Variants in SLC41A3 observed in about 807,000 individuals in gnomAD.
SLC41A3 encodes SLC41A1-like 2.
A neutral mutation model predicts 45.4 loss-of-function variants in SLC41A3; 44 were observed. The observed-to-expected ratio is 0.97, with a 90% confidence interval of 0.76 to 1.25. SLC41A3 has a LOEUF of 1.25. Ranked by LOEUF, SLC41A3 falls within the 50% of genes most tolerant of loss-of-function variation. SLC41A3 has a pLI of 0.00. For missense variants in SLC41A3, 550 were observed against 600.6 expected (o/e 0.92, Z 0.88); for synonymous variants, 256 against 252.4 (o/e 1.01, Z -0.13).
At chr3:126,059,310 G>GAAAGAGAGAGAGAGAAA in intron 2 of SLC41A3, among the ~76,000 whole-genome samples, 1 of 88,200 alleles carries the variant, frequency 1.1e-5, no homozygotes, top group African/African-American at 4.4e-5. Context: ...AAGAAAGAAA[G>GAAAGAGAGAGAGAGAAA]GAAGGATGAT....
At chr3:126,050,726 G>A (rs549062652) in intron 3 of SLC41A3, among the ~76,000 whole-genome samples, 24 of 152,182 alleles carry the variant, frequency 1.6e-4, no homozygotes, top group Non-Finnish European at 3.4e-4. Context: ...GGGGCAAACA[G>A]GGTTGTGCAC....
At chr3:126,086,408 G>GGTTTTTTTTGTTTTTT (rs776330275), upstream of SLC41A3, among the ~76,000 whole-genome samples, 1 of 21,184 alleles carries the variant, frequency 4.7e-5, no homozygotes, top group African/African-American at 1.3e-4. Context: ...TTGTTTTCTT[G>GGTTTTTTTTGTTTTTT]TTTTTTTTTT....
intron 3 of SLC41A3, among the ~76,000 whole-genome samples, chr3:126,044,472 T>C (rs2107835535): frequency 6.6e-6 from 1 of 151,924 alleles, no homozygotes; most frequent in East Asian, 1.9e-4. Flanking sequence ...TAAAAGAAAA[T>C]ATACAAAACA....
chr3:126,063,997 T>A (rs1302570087), intron 2 of SLC41A3, among the ~76,000 whole-genome samples: 6 of 128,358 alleles, frequency 4.7e-5, no homozygotes, highest in Non-Finnish European at 9.8e-5. Context: ...ACCAAATCCC[T>A]CTGTTGCCCT....
intron 3 of SLC41A3, among the ~76,000 whole-genome samples, chr3:126,037,413 C>A (rs991240905): frequency 6.6e-6 from 1 of 152,106 alleles, no homozygotes; most frequent in Non-Finnish European, 1.5e-5. Flanking sequence ...GAGATATGGA[C>A]AGAGAAGGCC....
chr3:126,086,408 G>GGTTTTTTTTTTTTTTTTTTTTT (rs776330275), upstream of SLC41A3, among the ~76,000 whole-genome samples: 2 of 21,184 alleles, frequency 9.4e-5, 1 homozygote. Context: ...TTGTTTTCTT[G>GGTTTTTTTTTTTTTTTTTTTTT]TTTTTTTTTT....
rs1482687712 is a variant in SLC41A3 at position 126,026,326 on chromosome 3, A to G, written c.598+9T>C. 7 of 1,557,122 alleles carry G rather than the reference A, an allele frequency of 4.5e-6. No individual in the cohort carries two copies. Among genetic ancestry groups the G allele is most frequent in the Non-Finnish European group, 6.1e-6 (7 of 1,149,664 alleles). Reference sequence around the variant, plus strand: ...GCGGGTGGGGGCTCACAGCTGGGGCATGGCTCACCCAGGGCAAAGGCTGCA... The same window carrying G: ...GCGGGTGGGGGCTCACAGCTGGGGCGTGGCTCACCCAGGGCAAAGGCTGCA... On this transcript the variant is annotated intron_variant, in intron 5 of 10. Transcript: ENST00000360370. This position sits in a 1 kb window ranked among gnomAD's most constrained non-coding sequence, Gnocchi z 4.2.
chr3:126,007,078 A>T lies in SLC41A3; in HGVS notation c.1402T>A (p.Trp468Arg). ...AGCTCTGCCTTGCTCTTCAGTAGCC[A>T]GTCAGTGAAAAAGCAGAGTGCCAGG... is the stretch of plus-strand genomic sequence containing the variant. Reference protein sequence around the residue: ...GLLALCFFTDWLLKSKAELGG... With the variant: ...GLLALCFFTDRLLKSKAELGG... Residue 468 changes from tryptophan (W) to arginine (R), a missense_variant, in exon 11 of 11, where the codon TGG (tryptophan) becomes AGG (arginine). Trp to Arg is a moderately radical substitution (Grantham distance 101). Transcript: ENST00000360370. 6.2e-7 allele frequency: 1 copy of T among 1,614,212 alleles called. No homozygotes were observed. Among genetic ancestry groups the T allele is most frequent in the Non-Finnish European group, 8.5e-7 (1 of 1,180,036 alleles).
intron 1 of SLC41A3, among the ~76,000 whole-genome samples, chr3:126,089,796 A>G (rs1309519262): frequency 1.3e-5 from 2 of 152,194 alleles, no homozygotes; most frequent in African/African-American, 4.8e-5. Context: ...GAGTTCCATA[A>G]TAAAATAAAA....
intron 2 of SLC41A3, among the ~76,000 whole-genome samples, chr3:126,059,257 A>AAGAAAGAAAGAAAGAGAG (rs1177997318): frequency 4.9e-4 from 3 of 6,176 alleles, no homozygotes; most frequent in South Asian, 8.6e-3. Flanking sequence ...GAAAGAAAGA[A>AAGAAAGAAAGAAAGAGAG]AGAAAGAAGA....
chr3:126,049,342 C>T (rs1209441510), intron 3 of SLC41A3, among the ~76,000 whole-genome samples: 1 of 152,080 alleles, frequency 6.6e-6, no homozygotes, highest in Non-Finnish European at 1.5e-5. Flanking sequence ...CAAAAATTGG[C>T]CGGGTGTGAT....
intron 1 of SLC41A3, among the ~76,000 whole-genome samples, chr3:126,100,172 T>G (rs1430165811): frequency 6.7e-6 from 1 of 150,254 alleles, no homozygotes; most frequent in Non-Finnish European, 1.5e-5. Context: ...AAGACAGGTC[T>G]CCACTCTGCC....
At chr3:126,090,233 T>C (rs1945465613) in intron 1 of SLC41A3, among the ~76,000 whole-genome samples, 2 of 152,092 alleles carry the variant, frequency 1.3e-5, no homozygotes, top group African/African-American at 4.8e-5. Context: ...ATAGTATATT[T>C]TTAGGTAAAG....
intron 3 of SLC41A3, among the ~76,000 whole-genome samples, chr3:126,047,524 C>T (rs868104503): frequency 2.0e-5 from 3 of 152,058 alleles, no homozygotes; most frequent in African/African-American, 7.3e-5. Flanking sequence ...TATAAAGCTA[C>T]AGTAATCTAA....
chr3:126,051,147 C>G, intron 2 of SLC41A3, 97 bp from the exon 3 acceptor site: 1 of 1,335,978 alleles, frequency 7.5e-7, no homozygotes, highest in Non-Finnish European at 9.9e-7. Flanking sequence ...TTTTCACTCC[C>G]TATAAAATGA....
rs958278462 is a variant in SLC41A3 at position 126,061,186 on chromosome 3, T to C, written c.273+6761A>G. 4.6e-5 allele frequency among the ~76,000 whole-genome samples: 7 copies of C among 152,356 alleles called. No individual in the cohort carries two copies. The East Asian group carries it at 1.3e-3, about 29-fold the overall frequency. On this transcript the variant is annotated intron_variant, in intron 2 of 10. Coordinates refer to ENST00000360370, the MANE Select transcript of SLC41A3 (RefSeq NM_017836.4). ...CAGGTTCTGGGCCAGATGGTCATTC[T>C]TACAGGCATGAATTCTTCCCCCATC... is the stretch of plus-strand genomic sequence containing the variant.
chr3:126,031,607 A>G (rs1362898077), intron 4 of SLC41A3, among the ~76,000 whole-genome samples: 1 of 152,242 alleles, frequency 6.6e-6, no homozygotes, highest in Non-Finnish European at 1.5e-5. Flanking sequence ...TTCAGAGTTA[A>G]TTAAGCTTTT....
chr3:126,094,760 G>A (rs2108136628), intron 1 of SLC41A3, among the ~76,000 whole-genome samples: 1 of 152,250 alleles, frequency 6.6e-6, no homozygotes, highest in Middle Eastern at 3.4e-3. Context: ...TTCTTATTCT[G>A]GCTCGAAAAG....
rs1176971684 is a variant in SLC41A3 at position 126,026,524 on chromosome 3, C to G, written c.454-45G>C. 1 of 1,582,416 alleles carries G rather than the reference C, an allele frequency of 6.3e-7. No homozygotes were observed. The highest frequency in any genetic ancestry group is 1.2e-5 in the South Asian group (1 of 86,554). On this transcript the variant is annotated intron_variant, in intron 4 of 10. Coordinates refer to ENST00000360370, the MANE Select transcript of SLC41A3 (RefSeq NM_017836.4). This position sits in a 1 kb window ranked among gnomAD's most constrained non-coding sequence, Gnocchi z 4.2. Reference sequence around the variant, plus strand: ...AGCATGAAGGGGGGCCCCGGGGCCACAGCCACACTCCCTGCCCTTCACACC... The same window carrying G: ...AGCATGAAGGGGGGCCCCGGGGCCAGAGCCACACTCCCTGCCCTTCACACC...
Sources: allele counts gnomAD v4.1 joint callset (sites outside exome capture counted in the v4.1 genomes callset), GRCh38; gene constraint gnomAD v4.1.1; non-coding constraint Gnocchi (gnomAD v3.1); transcripts MANE v1.5; gene names NCBI Gene and HGNC (gene_info 2026-07-23, HGNC 2026-07-21).